Variants in VGLL4 observed in about 807,000 individuals in gnomAD.
VGLL4 encodes vestigial like family member 4, also known as transcription cofactor vestigial-like protein 4.
VGLL4 carries 7 observed loss-of-function variants against 21.0 expected under a neutral mutation model. The ratio of observed to expected loss-of-function variants is 0.33; its 90% CI spans 0.19 to 0.63. The LOEUF is 0.63. VGLL4 is among the 20% of genes least tolerant of loss of function. The probability of loss-of-function intolerance (pLI) is 0.78; values close to 1 mark genes in which losing one functional copy is unlikely to be tolerated. For missense variants in VGLL4, 394 were observed against 425.7 expected (o/e 0.93, Z 0.66); for synonymous variants, 222 against 173.2 (o/e 1.28, Z -2.21).
chr3:11,564,385 G>A (rs1275740491), intron 3 of VGLL4, among the ~76,000 whole-genome samples: 3 of 136,124 alleles, frequency 2.2e-5, no homozygotes, highest in Middle Eastern at 3.6e-3. Context: ...CCGCGTGACC[G>A]TCTAAAGGAG....
intron 2 of VGLL4, among the ~76,000 whole-genome samples, chr3:11,677,058 T>C (rs1207781499): frequency 6.6e-6 from 1 of 152,222 alleles, no homozygotes; most frequent in Admixed American, 6.5e-5. Flanking sequence ...GTTACTATCA[T>C]CCTATATATG....
rs182816147 is a variant in VGLL4, at chr3:11,671,638, T to C, written c.64+31333A>G. Among the ~76,000 whole-genome samples the C allele has an allele frequency of 5.1e-4, 78 of 152,318 alleles. 1 individual carries two copies. Among genetic ancestry groups the C allele is most frequent in the African/African-American group, 1.7e-3 (71 of 41,578 alleles). On this transcript the variant is annotated intron_variant, in intron 2 of 5. Coordinates refer to the VGLL4 transcript ENST00000273038. ...GTGGACCCTCACAGATCAAACATGT[T>C]GCTCAAGGGTCAACTGTATATGCCA...
intron 2 of VGLL4, among the ~76,000 whole-genome samples, chr3:11,657,378 C>A (rs1450824521): frequency 6.6e-6 from 1 of 152,036 alleles, no homozygotes. Context: ...GTTTTTCTTA[C>A]AAATGTGGCA....
At chr3:11,574,059 C>T (rs2073955543) in intron 2 of VGLL4, among the ~76,000 whole-genome samples, 1 of 152,154 alleles carries the variant, frequency 6.6e-6, no homozygotes, top group Admixed American at 6.5e-5. Flanking sequence ...CACAGACGCT[C>T]CCCACAGCCC....
At chr3:11,559,279 G>A in intron 4 of VGLL4, 53 bp downstream of exon 4, 7 of 1,479,978 alleles carry the variant, frequency 4.7e-6, no homozygotes, top group Non-Finnish European at 6.3e-6. Flanking sequence ...ACAGAGAAGG[G>A]CTCTGCTGCC....
chr3:11,557,155 C>T lies in VGLL4; in HGVS notation c.*1401G>A, dbSNP rs779929617. ...GGAGGGGATAGAAACGCTCATTGAC[C>T]AAAAAGGAGCAGCTGTGACCTCCAC... On this transcript the variant is annotated 3_prime_UTR_variant, in exon 5 of 5. Transcript: ENST00000430365. 1 of 152,654 alleles carries T rather than the reference C, an allele frequency of 6.6e-6. No homozygotes were observed. The highest frequency in any genetic ancestry group is 1.5e-5 in the Non-Finnish European group (1 of 68,028). The allele number at this position is 152,654 out of a possible 1,614,324, so 9.5% of individuals were successfully genotyped here.
At chr3:11,714,321 G>C (rs1419398527) in intron 1 of VGLL4, among the ~76,000 whole-genome samples, 1 of 152,028 alleles carries the variant, frequency 6.6e-6, no homozygotes, top group African/African-American at 2.4e-5. Flanking sequence ...TATCTAAGGG[G>C]GACAAATAAA....
chr3:11,609,616 G>C (rs1174074489), intron 1 of VGLL4, among the ~76,000 whole-genome samples: 1 of 152,202 alleles, frequency 6.6e-6, no homozygotes, highest in African/African-American at 2.4e-5. Flanking sequence ...GATGGGGCGA[G>C]TGATTGGGTT....
At position 11,687,800 on chromosome 3, in the gene VGLL4, T is replaced by A. The variant is rs74520441; in HGVS notation, c.64+15171A>T. 9.8e-3 allele frequency among the ~76,000 whole-genome samples: 1,495 copies of A among 152,316 alleles called. 21 individuals carry two copies. Among genetic ancestry groups the A allele is most frequent in the African/African-American group, 0.034 (1,402 of 41,570 alleles). On this transcript the variant is annotated intron_variant, in intron 2 of 5. Transcript: ENST00000273038. Reference sequence around the variant, plus strand: ...TCTGAAAATTATAGTTTTTCCTATATCTTTTCAGTTTTTATATATCCCTTT... The same window carrying A: ...TCTGAAAATTATAGTTTTTCCTATAACTTTTCAGTTTTTATATATCCCTTT...
At chr3:11,638,881 C>G (rs2125326568) in intron 1 of VGLL4, among the ~76,000 whole-genome samples, 1 of 152,280 alleles carries the variant, frequency 6.6e-6, no homozygotes, top group East Asian at 1.9e-4. Context: ...CAGCAACTCT[C>G]CAGTGTGCGT....
chr3:11,655,950 A>C (rs868246290), intron 2 of VGLL4, among the ~76,000 whole-genome samples: 4 of 152,232 alleles, frequency 2.6e-5, no homozygotes, highest in Non-Finnish European at 4.4e-5. Context: ...ACATTTCTTG[A>C]AAGAACAAAT....
intron 2 of VGLL4, among the ~76,000 whole-genome samples, chr3:11,701,456 C>G (rs1400546658): frequency 6.6e-6 from 1 of 152,252 alleles, no homozygotes; most frequent in East Asian, 1.9e-4. Flanking sequence ...TCCTTTACAA[C>G]AATGTAAATG....
intron 1 of VGLL4, among the ~76,000 whole-genome samples, chr3:11,615,222 G>A (rs909886771): frequency 2.6e-5 from 4 of 152,096 alleles, no homozygotes; most frequent in African/African-American, 4.8e-5. Context: ...CTTTTTTGGT[G>A]GCAGGGAGGG....
intron 2 of VGLL4, among the ~76,000 whole-genome samples, chr3:11,583,939 G>A (rs564996873): frequency 4.6e-5 from 7 of 152,284 alleles, no homozygotes; most frequent in Non-Finnish European, 8.8e-5. Flanking sequence ...GCTTCCCTCC[G>A]CTCCACGGCA....
rs540994550 is a variant in VGLL4 at position 11,699,576 on chromosome 3, G to A, written c.64+3395C>T. Reference sequence around the variant, plus strand: ...AATCACAGCAGTTTGGGAGGCCAAGGCGGATGGACTGCTGGAGGCCAGGAG... The same window carrying A: ...AATCACAGCAGTTTGGGAGGCCAAGACGGATGGACTGCTGGAGGCCAGGAG... On this transcript the variant is annotated intron_variant, in intron 2 of 5. Coordinates refer to the VGLL4 transcript ENST00000273038. 2.6e-5 allele frequency: 4 copies of A among 152,340 alleles called. No individual in the cohort carries two copies. The East Asian group carries it at 7.7e-4, about 29-fold the overall frequency. The allele number at this position is 152,340 out of a possible 1,614,324, so 9.4% of individuals were successfully genotyped here.
intron 2 of VGLL4, among the ~76,000 whole-genome samples, chr3:11,567,690 C>A (rs1455737295): frequency 6.6e-6 from 1 of 152,214 alleles, no homozygotes; most frequent in Non-Finnish European, 1.5e-5. Context: ...AGACCTTCCG[C>A]GGAACGGACG....
intron 2 of VGLL4, among the ~76,000 whole-genome samples, chr3:11,667,885 A>C (rs1206515023): frequency 9.1e-6 from 1 of 109,494 alleles, no homozygotes; most frequent in Non-Finnish European, 1.7e-5. Context: ...ATGGTGTCTC[A>C]CTCTGCTGCC....
intron 2 of VGLL4, among the ~76,000 whole-genome samples, chr3:11,679,117 T>G (rs1396536996): frequency 2.0e-5 from 3 of 152,212 alleles, no homozygotes; most frequent in African/African-American, 7.2e-5. Context: ...TAGGGTACAC[T>G]CCTTCTACTT....
At chr3:11,570,078 C>A (rs1411257176) in intron 2 of VGLL4, among the ~76,000 whole-genome samples, 1 of 152,094 alleles carries the variant, frequency 6.6e-6, no homozygotes, top group African/African-American at 2.4e-5. Flanking sequence ...TACCTGCTGC[C>A]CCCTGGGGTT....
Sources: allele counts gnomAD v4.1 joint callset (sites outside exome capture counted in the v4.1 genomes callset), GRCh38; gene constraint gnomAD v4.1.1; transcripts MANE v1.5; gene names NCBI Gene and HGNC (gene_info 2026-07-23, HGNC 2026-07-21).